ULK4: variants seen among roughly 807,000 people sequenced by gnomAD.
ULK4 encodes inactive serine/threonine-protein kinase ULK4.
A neutral mutation model predicts 160.6 loss-of-function variants in ULK4; 133 were observed. The observed-to-expected ratio is 0.83, with a 90% CI of 0.72 to 0.96. The LOEUF (loss-of-function observed/expected upper bound fraction) is 0.96. ULK4 is among the 40% of genes least tolerant of loss of function. The pLI is 0.00. For missense variants in ULK4, 1,580 were observed against 1,499.5 expected (o/e 1.05, Z -0.89); for synonymous variants, 534 against 539.8 (o/e 0.99, Z 0.15).
intron 17 of ULK4, among the ~76,000 whole-genome samples, chr3:41,856,545 A>ATATGTGTATATATATACACATATATATG (rs2042349756): frequency 3.8e-5 from 3 of 78,580 alleles, no homozygotes; most frequent in African/African-American, 6.9e-5. Flanking sequence ...ATGTATATAT[A>ATATGTGTATATATATACACATATATATG]TATGTGTATA....
intron 5 of ULK4, among the ~76,000 whole-genome samples, chr3:41,923,482 A>G (rs1272329189): frequency 1.3e-5 from 2 of 152,174 alleles, no homozygotes; most frequent in Non-Finnish European, 2.9e-5. Flanking sequence ...TGGGCAACAG[A>G]GCAAGAGCTC....
At chr3:41,869,632 T>TA (rs1697020460) in intron 17 of ULK4, among the ~76,000 whole-genome samples, 1 of 152,088 alleles carries the variant, frequency 6.6e-6, no homozygotes, top group Admixed American at 6.6e-5. Context: ...ACACATAAAA[T>TA]ATAGGGATAC....
intron 34 of ULK4, among the ~76,000 whole-genome samples, chr3:41,420,141 G>A (rs1418966725): frequency 6.6e-6 from 1 of 151,938 alleles, no homozygotes; most frequent in Non-Finnish European, 1.5e-5. Flanking sequence ...ACAAAAAGAG[G>A]CCTTCCTGTT....
intron 19 of ULK4, among the ~76,000 whole-genome samples, chr3:41,818,113 C>CAAAA (rs35468475): frequency 1.0e-5 from 1 of 99,174 alleles, no homozygotes; most frequent in Admixed American, 1.1e-4. Flanking sequence ...GGAGTTTCCT[C>CAAAA]AAAAAAAAAA....
At chr3:41,549,047 C>A (rs533660676) in intron 32 of ULK4, among the ~76,000 whole-genome samples, 1 of 152,162 alleles carries the variant, frequency 6.6e-6, no homozygotes, top group African/African-American at 2.4e-5. Context: ...GGAAAAAAGT[C>A]TTCCCCTAAG....
chr3:41,749,054 A>G (rs573592714), intron 22 of ULK4, among the ~76,000 whole-genome samples: 1 of 152,356 alleles, frequency 6.6e-6, no homozygotes, highest in South Asian at 2.1e-4. Context: ...CGATTTTATG[A>G]TATGTTAGTT....
rs2036841809 is a variant in ULK4, at chr3:41,705,404, T to C, written c.2635-99A>G. On this transcript the variant is annotated intron_variant, in intron 25 of 36. Transcript: ENST00000301831. ...TGCCCAAAACTGTACCTATTGTTTT[T>C]AATAACTCATAGACAGTATTAAATA... 6.4e-6 allele frequency: 5 copies of C among 775,276 alleles called. No homozygotes were observed. In the African/African-American group the frequency reaches 8.8e-5, roughly 14 times the overall value. 48.0% of individuals were successfully genotyped at this position (775,276 alleles called of 1,614,324 possible).
intron 32 of ULK4, among the ~76,000 whole-genome samples, chr3:41,482,219 C>A (rs1031284805): frequency 3.9e-5 from 6 of 152,170 alleles, no homozygotes; most frequent in Non-Finnish European, 8.8e-5. Flanking sequence ...TGTGCAGCAG[C>A]CAGTCTGCAC....
Position 41,398,182 on chromosome 3 carries a change from G to A in ULK4, c.3575C>T (p.Pro1192Leu), listed in dbSNP as rs368247493. 4.8e-5 allele frequency: 78 copies of A among 1,613,296 alleles called. No individual in the cohort carries two copies. The highest frequency in any genetic ancestry group is 9.4e-5 in the African/African-American group (7 of 74,822). Residue 1192 changes from proline (P) to leucine (L), a missense_variant, in exon 35 of 37, where the codon CCG becomes CTG. Physicochemically the swap from Pro to Leu is moderately conservative, Grantham distance 98 (BLOSUM62 -3). Coordinates refer to ENST00000301831, the MANE Select transcript of ULK4 (RefSeq NM_017886.4). The stretch of plus-strand genomic sequence containing the variant: ...CACATTTTCAGGAGAGAGGCTGTCC[G>A]GGTTTTCCCCTCCATACAGCTGAAC... ...ILVQLYGGEN[P>L]DSLSPENVEI...
At chr3:41,837,496 T>C (rs901102833) in intron 17 of ULK4, among the ~76,000 whole-genome samples, 2 of 152,142 alleles carry the variant, frequency 1.3e-5, no homozygotes, top group African/African-American at 4.8e-5. Context: ...CACTATATAT[T>C]CTTTTTTGTC....
chr3:41,668,765 T>A (rs1019447837), intron 29 of ULK4, among the ~76,000 whole-genome samples: 1 of 152,138 alleles, frequency 6.6e-6, no homozygotes, highest in Non-Finnish European at 1.5e-5. Context: ...TCTAATAAAC[T>A]AAAATTTTAA....
At chr3:41,858,147 G>GTTTTTTTTTTT (rs71288052) in intron 17 of ULK4, among the ~76,000 whole-genome samples, 7 of 92,114 alleles carry the variant, frequency 7.6e-5, no homozygotes, top group Admixed American at 1.4e-4. Context: ...TTTTTTGTTT[G>GTTTTTTTTTTT]TTTTTTTTTT....
intron 25 of ULK4, among the ~76,000 whole-genome samples, chr3:41,708,554 T>G (rs921253332): frequency 1.3e-5 from 2 of 152,070 alleles, no homozygotes; most frequent in Non-Finnish European, 2.9e-5. Flanking sequence ...GGACACAAAA[T>G]TTTGATTATA....
At chr3:41,260,789 T>C (rs1170145595) in intron 35 of ULK4, among the ~76,000 whole-genome samples, 6 of 152,188 alleles carry the variant, frequency 3.9e-5, no homozygotes, top group Admixed American at 3.3e-4. Context: ...GTGACAGAGA[T>C]ATTGCACTAA....
rs553305082 is a variant in ULK4 at position 41,414,427 on chromosome 3, T to C, written c.3493-16163A>G. Among the ~76,000 whole-genome samples, 6 of 152,268 alleles carry C rather than the reference T, an allele frequency of 3.9e-5. No individual in the cohort carries two copies. In the South Asian group the frequency reaches 1.2e-3, roughly 32 times the overall value. On this transcript the variant is annotated intron_variant, in intron 34 of 36. Transcript: ENST00000301831. Reference sequence around the variant, plus strand: ...ACAACAATTTAAAATCACAGTTGTGTTGTATTTACTTTCCGTTATCCAATC... The same window carrying C: ...ACAACAATTTAAAATCACAGTTGTGCTGTATTTACTTTCCGTTATCCAATC...
chr3:41,940,928 T>G (rs1699932898), intron 2 of ULK4, among the ~76,000 whole-genome samples: 1 of 152,164 alleles, frequency 6.6e-6, no homozygotes, highest in Non-Finnish European at 1.5e-5. Context: ...CTTTTAAAAT[T>G]CCACTAAATA....
intron 35 of ULK4, among the ~76,000 whole-genome samples, chr3:41,304,261 A>G (rs2079856696): frequency 1.0e-5 from 1 of 98,280 alleles, no homozygotes. Flanking sequence ...CAATAAGAGC[A>G]AAGCTCCCCC....
chr3:41,259,967 A>G (rs1029176854), intron 35 of ULK4: 1 of 152,210 alleles, frequency 6.6e-6, no homozygotes, highest in Non-Finnish European at 1.5e-5. Flanking sequence ...ACAGACACAC[A>G]CTTCACACAG....
intron 4 of ULK4, among the ~76,000 whole-genome samples, 195 bp from the exon 5 acceptor site, chr3:41,932,201 A>T (rs190327220): frequency 2.6e-4 from 40 of 152,380 alleles, no homozygotes; most frequent in Non-Finnish European, 4.6e-4. Flanking sequence ...ATAAAAAATT[A>T]AATTGTTCAT....
Sources: allele counts gnomAD v4.1 joint callset (sites outside exome capture counted in the v4.1 genomes callset), GRCh38; gene constraint gnomAD v4.1.1; transcripts MANE v1.5; gene names NCBI Gene and HGNC (gene_info 2026-07-23, HGNC 2026-07-21).